Variants in CSMD1 observed in about 807,000 individuals in gnomAD.
The protein encoded by CSMD1 is CUB and Sushi multiple domains 1.
A neutral mutation model predicts 417.5 loss-of-function variants in CSMD1; 213 were observed. That is an observed-to-expected ratio of 0.51 (90% CI 0.46 to 0.57). CSMD1 has a LOEUF of 0.57. Ranked by LOEUF, CSMD1 falls within the 20% of genes least tolerant of loss-of-function variation. The probability of loss-of-function intolerance (pLI) is 0.00; values close to 1 mark genes in which losing one functional copy is unlikely to be tolerated. For synonymous variants in CSMD1, 2,862 were observed against 1,736.8 expected, an observed-to-expected ratio of 1.65 and a Z score of -16.11; for missense variants, 6,923 against 4,529.7, an observed-to-expected ratio of 1.53 and a Z score of -15.17.
chr8:4,687,952 T>C (rs1776193637), intron 1 of CSMD1, among the ~76,000 whole-genome samples: 1 of 152,212 alleles, frequency 6.6e-6, no homozygotes, highest in African/African-American at 2.4e-5. Flanking sequence ...ATCCTAGACA[T>C]TTAACTCTAT....
At chr8:4,580,134 A>G (rs1224895670) in intron 2 of CSMD1, among the ~76,000 whole-genome samples, 1 of 152,200 alleles carries the variant, frequency 6.6e-6, no homozygotes, top group African/African-American at 2.4e-5. Flanking sequence ...TTAAACACCT[A>G]TGTGGCCCTG....
chr8:3,302,987 G>C (rs533047079), intron 25 of CSMD1, among the ~76,000 whole-genome samples: 1 of 152,218 alleles, frequency 6.6e-6, no homozygotes, highest in African/African-American at 2.4e-5. Context: ...CCAGGTTAAA[G>C]GGGGTCTGGA....
chr8:3,725,692 C>T (rs1585138829), intron 6 of CSMD1, among the ~76,000 whole-genome samples: 1 of 148,852 alleles, frequency 6.7e-6, no homozygotes. Flanking sequence ...CAGGGGCAGC[C>T]ACCACTGCAA....
At chr8:4,946,724 T>C (rs4875418) in intron 1 of CSMD1, among the ~76,000 whole-genome samples, 1 of 151,960 alleles carries the variant, frequency 6.6e-6, no homozygotes, top group Non-Finnish European at 1.5e-5. Flanking sequence ...ATATGTGTAG[T>C]TGGTGTACAG....
chr8:3,107,966 A>G (rs1022979759), intron 44 of CSMD1, among the ~76,000 whole-genome samples, 168 bp from the exon 45 acceptor site: 1 of 152,220 alleles, frequency 6.6e-6, no homozygotes, highest in Non-Finnish European at 1.5e-5. Context: ...TCAAATGTTC[A>G]TATTATTATT....
At chr8:4,765,195 C>G (rs956699517) in intron 1 of CSMD1, among the ~76,000 whole-genome samples, 1 of 151,836 alleles carries the variant, frequency 6.6e-6, no homozygotes, top group Non-Finnish European at 1.5e-5. Flanking sequence ...TGTGTTCTTC[C>G]GTCTCATAAA....
At chr8:4,365,173 G>C (rs896587911) in intron 3 of CSMD1, among the ~76,000 whole-genome samples, 10 of 152,256 alleles carry the variant, frequency 6.6e-5, no homozygotes, top group African/African-American at 2.2e-4. Context: ...GAATTTGGTA[G>C]TTTTGCTCAC....
intron 10 of CSMD1, among the ~76,000 whole-genome samples, chr8:3,499,672 G>A (rs115953120): frequency 6.6e-6 from 1 of 152,048 alleles, no homozygotes; most frequent in African/African-American, 2.4e-5. Context: ...TCCCGACTCT[G>A]CTTGACGACT....
At chr8:4,152,483 G>C (rs920572494) in intron 3 of CSMD1, among the ~76,000 whole-genome samples, 6 of 150,648 alleles carry the variant, frequency 4.0e-5, no homozygotes, top group South Asian at 2.1e-4. Context: ...GGGCCAAGGA[G>C]TATGGAAAAC....
chr8:3,586,053 T>G, intron 9 of CSMD1, 83 bp downstream of exon 9: 12 of 1,398,962 alleles, frequency 8.6e-6, no homozygotes, highest in Non-Finnish European at 1.1e-5. Context: ...TACACAATGC[T>G]TCATGCTTAA....
intron 1 of CSMD1, among the ~76,000 whole-genome samples, chr8:4,717,310 C>CATATACAT: frequency 7.3e-6 from 1 of 137,150 alleles, no homozygotes; most frequent in East Asian, 2.3e-4. Flanking sequence ...TCTCTCTCTC[C>CATATACAT]ATATATATAT....
At chr8:3,793,955 G>T (rs7016745) in intron 5 of CSMD1, among the ~76,000 whole-genome samples, 85,057 of 152,008 alleles carry the variant, frequency 0.56, 25,615 homozygotes, top group Non-Finnish European at 0.67. Context: ...GGTAAATGCT[G>T]CTATGTGTAA....
At position 2,995,610 on chromosome 8, in the gene CSMD1, C is replaced by T. The variant is rs547296064; in HGVS notation, c.8377+2401G>A. Among the ~76,000 whole-genome samples the T allele has an allele frequency of 2.6e-5, 4 of 152,238 alleles. No individual in the cohort carries two copies. In the East Asian group the frequency reaches 7.7e-4, roughly 29 times the overall value. On this transcript the variant is annotated intron_variant, in intron 54 of 69. Transcript: ENST00000635120. ...AAATCGTGTTCATAACAGCTCGTAG[C>T]AGCATTGTTTGTGACAGCAAAGTCT...
At chr8:4,209,498 C>A (rs186645076) in intron 3 of CSMD1, among the ~76,000 whole-genome samples, 1 of 152,202 alleles carries the variant, frequency 6.6e-6, no homozygotes, top group African/African-American at 2.4e-5. Context: ...TAACCTCACT[C>A]CCATGGCCCC....
intron 12 of CSMD1, among the ~76,000 whole-genome samples, chr8:3,450,312 ATTTT>A (rs74808597): frequency 1.4e-5 from 2 of 146,838 alleles, no homozygotes; most frequent in African/African-American, 2.5e-5. Context: ...AGCCTCTCCT[ATTTT>A]TTTTTTTATT....
chr8:3,773,959 G>C (rs1416101371), intron 5 of CSMD1, among the ~76,000 whole-genome samples: 1 of 152,166 alleles, frequency 6.6e-6, no homozygotes, highest in African/African-American at 2.4e-5. Context: ...ACAGGAGCCT[G>C]TGCCTGGATT....
intron 2 of CSMD1, among the ~76,000 whole-genome samples, chr8:4,463,124 C>T (rs561258474): frequency 6.6e-6 from 1 of 152,178 alleles, no homozygotes; most frequent in South Asian, 2.1e-4. Flanking sequence ...AGTATGGGCA[C>T]AATAATCGAA....
chr8:3,903,610 T>C (rs760158842), intron 5 of CSMD1, among the ~76,000 whole-genome samples: 7 of 152,192 alleles, frequency 4.6e-5, no homozygotes, highest in Non-Finnish European at 8.8e-5. Context: ...CACTACTCTA[T>C]TTGGCAACTT....
intron 50 of CSMD1, among the ~76,000 whole-genome samples, chr8:3,030,233 T>C (rs1002105222): frequency 1.3e-5 from 2 of 152,058 alleles, no homozygotes; most frequent in Admixed American, 6.6e-5. Context: ...ACTGAAAATA[T>C]ATACAGAGTC....
Sources: gnomAD v4.1 joint callset for allele counts (sites outside exome capture counted in the v4.1 genomes callset) on GRCh38, gnomAD v4.1.1 for gene constraint, MANE v1.5 for transcripts, NCBI Gene and HGNC (gene_info 2026-07-23, HGNC 2026-07-21) for gene names.